The following NDST3 variants were observed in gnomAD, a reference collection of about 807,000 sequenced individuals.
The protein encoded by NDST3 is N-deacetylase and N-sulfotransferase 3, also known as bifunctional heparan sulfate N-deacetylase/N-sulfotransferase 3.
A neutral mutation model predicts 96.1 loss-of-function variants in NDST3; 58 were observed. That is an observed-to-expected ratio of 0.60 (90% CI 0.49 to 0.75). The LOEUF is 0.75. Among genes scored for constraint, NDST3 ranks in the 30% least tolerant of loss-of-function variants. The pLI, the probability that NDST3 is intolerant of heterozygous loss-of-function variation, is 0.00. For missense variants in NDST3, 788 were observed against 1,034.2 expected (o/e 0.76, Z 3.27); for synonymous variants, 333 against 359.7 (o/e 0.93, Z 0.84).
chr4:118,091,931 T>C (rs1171078959), intron 2 of NDST3, among the ~76,000 whole-genome samples: 1 of 151,870 alleles, frequency 6.6e-6, no homozygotes, highest in East Asian at 1.9e-4. Context: ...TGACTTTAAA[T>C]CCTTTTTATA....
At chr4:118,230,605 G>T (rs1468309521) in intron 8 of NDST3, among the ~76,000 whole-genome samples, 3 of 152,050 alleles carry the variant, frequency 2.0e-5, no homozygotes, top group Non-Finnish European at 2.9e-5. Context: ...AAATTCTTGG[G>T]TTATAACAAA....
intron 13 of NDST3, among the ~76,000 whole-genome samples, chr4:118,255,369 G>T (rs1742049398): frequency 6.6e-6 from 1 of 152,098 alleles, no homozygotes; most frequent in Admixed American, 6.5e-5. Flanking sequence ...GGATTAGAGT[G>T]GGCAGTACTG....
At chr4:118,129,227 T>A (rs1010544510) in intron 4 of NDST3, among the ~76,000 whole-genome samples, 10 of 151,942 alleles carry the variant, frequency 6.6e-5, no homozygotes, top group Middle Eastern at 3.2e-3. Flanking sequence ...CTCCTATTAT[T>A]TTTGGGTTCA....
At chr4:118,108,118 A>T (rs544814190) in intron 3 of NDST3, among the ~76,000 whole-genome samples, 1 of 152,322 alleles carries the variant, frequency 6.6e-6, no homozygotes, top group South Asian at 2.1e-4. Flanking sequence ...CTTCTCATTC[A>T]CTATCATGAG....
At chr4:118,233,963 G>C (rs192040035) in intron 9 of NDST3, among the ~76,000 whole-genome samples, 1 of 152,146 alleles carries the variant, frequency 6.6e-6, no homozygotes. Flanking sequence ...TGAGAAGTCC[G>C]AATGGAAAGG....
chr4:118,091,363 A>C (rs553694123), intron 2 of NDST3, among the ~76,000 whole-genome samples: 1 of 151,914 alleles, frequency 6.6e-6, no homozygotes, highest in Non-Finnish European at 1.5e-5. Context: ...TTGCAGATAA[A>C]CCATAAGATC....
chr4:118,193,828 T>C, intron 6 of NDST3: 1 of 1,408,442 alleles, frequency 7.1e-7, no homozygotes, highest in Non-Finnish European at 9.9e-7. Flanking sequence ...AAGAGGCCAG[T>C]TGAAGGGCCT....
intron 6 of NDST3, among the ~76,000 whole-genome samples, chr4:118,145,554 C>T (rs992751022): frequency 1.3e-5 from 2 of 152,036 alleles, no homozygotes; most frequent in Non-Finnish European, 2.9e-5. Context: ...ATTTAAAAAC[C>T]AAACTATTGT....
At chr4:118,081,221 G>A (rs537224148) in intron 2 of NDST3, among the ~76,000 whole-genome samples, 13 of 152,224 alleles carry the variant, frequency 8.5e-5, no homozygotes, top group African/African-American at 2.4e-4. Context: ...CCTAAAGTTC[G>A]AGAACCCATA....
chr4:118,167,670 G>T (rs1455002864), intron 6 of NDST3, among the ~76,000 whole-genome samples: 8 of 151,954 alleles, frequency 5.3e-5, no homozygotes, highest in Admixed American at 2.6e-4. Context: ...ATATTACAAA[G>T]ATATAGTAAT....
chr4:118,111,756 A>G (rs1018617179), intron 3 of NDST3, among the ~76,000 whole-genome samples: 2 of 152,064 alleles, frequency 1.3e-5, no homozygotes, highest in Non-Finnish European at 2.9e-5. Context: ...ATCTGAACTG[A>G]GATAAATATG....
At chr4:118,235,434 C>G (rs533421696) in intron 9 of NDST3, among the ~76,000 whole-genome samples, 1 of 152,166 alleles carries the variant, frequency 6.6e-6, no homozygotes, top group Non-Finnish European at 1.5e-5. Flanking sequence ...CCTGCCCTCT[C>G]CATGAGCCCC....
chr4:118,112,409 A>G (rs914601505), intron 3 of NDST3, among the ~76,000 whole-genome samples: 6 of 152,220 alleles, frequency 3.9e-5, no homozygotes, highest in Non-Finnish European at 8.8e-5. Flanking sequence ...GACTTCTCAT[A>G]AACTAGGGAA....
At chr4:118,122,493 TC>T (rs76386231) in intron 4 of NDST3, among the ~76,000 whole-genome samples, 119,307 of 151,750 alleles carry the variant, frequency 0.79, 49,605 homozygotes, top group South Asian at 0.92. Context: ...TTCAGTTTTT[TC>T]TTTCTTTTGT....
At position 118,078,744 on chromosome 4, in the gene NDST3, G is replaced by GAA. The variant is rs113277466; in HGVS notation, c.981+23867_981+23868dup. ...AGCCTGGCCAACAGAGCCAGACTCT[G>GAA]AAAAAAAAAAAAAAATCAGTGTGGG... On this transcript the variant is annotated intron_variant, in intron 2 of 13. Coordinates refer to ENST00000296499, the MANE Select transcript of NDST3 (RefSeq NM_004784.3). Among the ~76,000 whole-genome samples the GAA allele has an allele frequency of 7.4e-3, 1,059 of 142,292 alleles. 9 individuals are homozygous for GAA. Among genetic ancestry groups the GAA allele is most frequent in the African/African-American group, 0.017 (634 of 38,246 alleles). The allele number at this position is 142,292 out of a possible 152,430, so 93.3% of individuals were successfully genotyped here. A position where few individuals can be genotyped will look rare whatever the true frequency, so the allele number is the denominator to read the frequency against.
At chr4:118,143,011 C>G (rs1208043095) in intron 5 of NDST3, among the ~76,000 whole-genome samples, 1 of 152,098 alleles carries the variant, frequency 6.6e-6, no homozygotes, top group African/African-American at 2.4e-5. Context: ...ATTACTATAG[C>G]CTGCAGTAGT....
intron 6 of NDST3, among the ~76,000 whole-genome samples, chr4:118,203,630 T>C (rs1175047161): frequency 1.3e-5 from 2 of 152,232 alleles, no homozygotes; most frequent in Non-Finnish European, 2.9e-5. Flanking sequence ...ACTGCACTTC[T>C]TCAAGTGCAG....
At chr4:118,112,587 A>T (rs769300768) in intron 3 of NDST3, among the ~76,000 whole-genome samples, 3 of 152,246 alleles carry the variant, frequency 2.0e-5, no homozygotes, top group Non-Finnish European at 4.4e-5. Flanking sequence ...ACAGGGGAGT[A>T]TCTTGGTTAG....
chr4:118,037,576 C>G (rs756465227), intron 1 of NDST3, among the ~76,000 whole-genome samples: 1 of 152,156 alleles, frequency 6.6e-6, no homozygotes, highest in Non-Finnish European at 1.5e-5. Flanking sequence ...CTTGATGGAA[C>G]AGAGGTAATC....
Sources: gnomAD v4.1 joint callset for allele counts (sites outside exome capture counted in the v4.1 genomes callset) on GRCh38, gnomAD v4.1.1 for gene constraint, MANE v1.5 for transcripts, NCBI Gene and HGNC (gene_info 2026-07-23, HGNC 2026-07-21) for gene names.